The following RHOA variants were observed in gnomAD, a reference collection of about 807,000 sequenced individuals.
RHOA encodes transforming protein RhoA.
Under a neutral mutation model 17.5 loss-of-function variants are expected in RHOA, and 3 were observed. That is an observed-to-expected ratio of 0.17 (90% CI 0.08 to 0.44). The LOEUF (loss-of-function observed/expected upper bound fraction) is 0.44. RHOA is among the 20% of genes least tolerant of loss of function. The pLI is 0.99. For synonymous variants in RHOA, 98 were observed against 88.4 expected (o/e 1.11, Z -0.61); for missense variants, 56 against 242.3 (o/e 0.23, Z 5.10).
intron 3 of RHOA, among the ~76,000 whole-genome samples, chr3:49,366,054 C>G (rs957799555): frequency 1.3e-5 from 2 of 151,828 alleles, no homozygotes; most frequent in African/African-American, 4.8e-5. Flanking sequence ...GACCCTGTCT[C>G]AAAAAGAAAA....
In RHOA at chr3:49,363,978, T is replaced by G. The variant is rs114024876; in HGVS notation, c.278-1352A>C. On this transcript the variant is annotated intron_variant, in intron 3 of 4. Coordinates refer to ENST00000418115, the MANE Select transcript of RHOA (RefSeq NM_001664.4). ...GTGGGAGGATCACTGGAGTCCAGGATTCAAGGTAGCAGTGAGCTATGATCA... is the reference window on the plus strand; with the variant it reads ...GTGGGAGGATCACTGGAGTCCAGGAGTCAAGGTAGCAGTGAGCTATGATCA... Among the ~76,000 whole-genome samples the G allele has an allele frequency of 9.7e-3, 1,467 of 151,576 alleles. 28 individuals are homozygous for G. The highest frequency in any genetic ancestry group is 0.032 in the African/African-American group (1,328 of 41,318).
intron 2 of RHOA, 60 bp downstream of exon 2, chr3:49,375,374 A>G: frequency 6.6e-7 from 1 of 1,515,706 alleles, no homozygotes; most frequent in Non-Finnish European, 8.9e-7. Context: ...AATTCTCTAC[A>G]TGCTCCATAA....
intron 3 of RHOA, among the ~76,000 whole-genome samples, chr3:49,363,306 G>A (rs2048001657): frequency 6.6e-6 from 1 of 152,120 alleles, no homozygotes; most frequent in Non-Finnish European, 1.5e-5. Flanking sequence ...TGTAGTCCCA[G>A]CTATTCAGGA....
At chr3:49,388,315 A>G (rs2107873328) in intron 1 of RHOA, among the ~76,000 whole-genome samples, 1 of 152,270 alleles carries the variant, frequency 6.6e-6, no homozygotes, top group African/African-American at 2.4e-5. Context: ...TGGTGGGATT[A>G]TAATAGGTGG....
intron 2 of RHOA, among the ~76,000 whole-genome samples, chr3:49,371,245 T>C (rs1164798296): frequency 6.6e-6 from 1 of 151,908 alleles, no homozygotes; most frequent in Non-Finnish European, 1.5e-5. Context: ...TCACCTACAA[T>C]CTTGTATGGT....
chr3:49,380,566 G>A (rs546883645), intron 1 of RHOA, among the ~76,000 whole-genome samples: 20 of 151,672 alleles, frequency 1.3e-4, no homozygotes, highest in Non-Finnish European at 2.1e-4. Context: ...TTACCCAGGC[G>A]TGGTGGGGTG....
intron 1 of RHOA, among the ~76,000 whole-genome samples, chr3:49,406,054 TAAAC>T (rs1404163311): frequency 2.0e-5 from 3 of 152,208 alleles, no homozygotes; most frequent in Admixed American, 6.6e-5. Context: ...CTGGAAAAGT[TAAAC>T]AAGAGATTTC....
At chr3:49,407,335 G>A (rs2048851176) in intron 1 of RHOA, among the ~76,000 whole-genome samples, 1 of 139,270 alleles carries the variant, frequency 7.2e-6, no homozygotes, top group Non-Finnish European at 1.5e-5. Flanking sequence ...CCAGGTTAAA[G>A]TGATTCTCCT....
intron 4 of RHOA, chr3:49,361,086 C>CA (rs749506733): frequency 0.014 from 1,745 of 126,786 alleles, 9 homozygotes; most frequent in South Asian, 0.051. Context: ...AAAAACAAAA[C>CA]AAAAAAAAAA....
chr3:49,389,031 T>C (rs1483017131), intron 1 of RHOA, among the ~76,000 whole-genome samples: 2 of 152,030 alleles, frequency 1.3e-5, no homozygotes, highest in Admixed American at 1.3e-4. Context: ...ATATCCAGAA[T>C]AGGTAAATCT....
At chr3:49,381,781 C>G (rs1338720109) in intron 1 of RHOA, among the ~76,000 whole-genome samples, 1 of 151,426 alleles carries the variant, frequency 6.6e-6, no homozygotes, top group East Asian at 2.0e-4. Flanking sequence ...AGGAGAATCA[C>G]TTGAACCCGG....
intron 1 of RHOA, among the ~76,000 whole-genome samples, chr3:49,400,136 CG>C (rs2048697805): frequency 1.3e-5 from 2 of 149,348 alleles, no homozygotes; most frequent in African/African-American, 2.5e-5. Context: ...CGCTTGAACC[CG>C]GGAGGCGGAG....
At chr3:49,375,706 T>A in intron 1 of RHOA, 115 bp from the exon 2 acceptor site, 1 of 1,099,624 alleles carries the variant, frequency 9.1e-7, no homozygotes, top group Non-Finnish European at 1.3e-6. Context: ...ATACTCAAAT[T>A]CAAACTTCTA....
At chr3:49,376,606 G>A (rs2048231632) in intron 1 of RHOA, among the ~76,000 whole-genome samples, 1 of 139,860 alleles carries the variant, frequency 7.2e-6, no homozygotes, top group South Asian at 2.2e-4. Context: ...TCGGGCCACT[G>A]CACACCAGCC....
In RHOA at chr3:49,362,471, A is replaced by G. The variant is rs1175793162; in HGVS notation, c.408+25T>C. 5 of 1,587,884 alleles carry G rather than the reference A, an allele frequency of 3.1e-6. No homozygotes were observed. The Admixed American group carries it at 8.9e-5, about 28-fold the overall frequency. On this transcript the variant is annotated intron_variant, in intron 4 of 4. Transcript: ENST00000418115. The stretch of plus-strand genomic sequence containing the variant: ...TGGGGCCCTAGTTCAAGAATACTAC[A>G]AGACAGTCCTGCCCCAGATCATGCC...
intron 3 of RHOA, among the ~76,000 whole-genome samples, chr3:49,366,153 C>T (rs1252079163): frequency 2.6e-5 from 4 of 152,188 alleles, no homozygotes; most frequent in African/African-American, 9.6e-5. Context: ...CAAAGGCACA[C>T]AGTCCTTCTC....
chr3:49,393,415 T>TCC (rs2048544120), intron 1 of RHOA, among the ~76,000 whole-genome samples: 1 of 151,524 alleles, frequency 6.6e-6, no homozygotes, highest in Non-Finnish European at 1.5e-5. Flanking sequence ...CAATCAGTTC[T>TCC]CCCACCTCAG....
At chr3:49,374,117 G>A (rs958523327) in intron 2 of RHOA, among the ~76,000 whole-genome samples, 2 of 152,032 alleles carry the variant, frequency 1.3e-5, no homozygotes, top group Admixed American at 6.6e-5. Flanking sequence ...TTGGGAGGCC[G>A]AGACGGGCAG....
chr3:49,385,553 T>G (rs947614948), intron 1 of RHOA, among the ~76,000 whole-genome samples: 1 of 152,092 alleles, frequency 6.6e-6, no homozygotes, highest in Non-Finnish European at 1.5e-5. Flanking sequence ...TTTTTTTTAT[T>G]TTTTTGATGA....
Sources: gnomAD v4.1 joint callset for allele counts (sites outside exome capture counted in the v4.1 genomes callset) on GRCh38, gnomAD v4.1.1 for gene constraint, MANE v1.5 for transcripts, NCBI Gene and HGNC (gene_info 2026-07-23, HGNC 2026-07-21) for gene names.